The following ZSCAN26 variants were observed in gnomAD, a reference collection of about 807,000 sequenced individuals.
ZSCAN26 encodes zinc finger and SCAN domain-containing protein 26.
Under a neutral mutation model 23.0 loss-of-function variants are expected in ZSCAN26, and 26 were observed. The observed-to-expected ratio is 1.13, with a 90% CI of 0.83 to 1.57. The LOEUF (loss-of-function observed/expected upper bound fraction) is 1.57. ZSCAN26 is among the 40% of genes most tolerant of loss of function. ZSCAN26 has a pLI of 0.00. For synonymous variants in ZSCAN26, 180 were observed against 202.5 expected, an observed-to-expected ratio of 0.89 and a Z score of 0.94; for missense variants, 528 against 568.5, an observed-to-expected ratio of 0.93 and a Z score of 0.72.
chr6:28,271,483 C>G (rs563443066), intron 1 of ZSCAN26, among the ~76,000 whole-genome samples: 1 of 152,160 alleles, frequency 6.6e-6, no homozygotes, highest in African/African-American at 2.4e-5. Context: ...CTCAGCCTCC[C>G]GAGTAGCTTG....
At chr6:28,269,854 A>G (rs959193553) in intron 1 of ZSCAN26, among the ~76,000 whole-genome samples, 2 of 152,202 alleles carry the variant, frequency 1.3e-5, no homozygotes, top group Admixed American at 6.5e-5. Flanking sequence ...ATCCAGAATA[A>G]TGTTTGACCA....
rs764578564 is a variant in ZSCAN26 at position 28,276,513 on chromosome 6, A to G, written c.857A>G (p.His286Arg). Reference protein sequence around the residue: ...VLSREKGHQCHECGKAFQRSS... With the variant: ...VLSREKGHQCRECGKAFQRSS... ...TCTAGAGAGAAAGGTCATCAGTGTCATGAGTGTGGGAAAGCCTTTCAGAGG... is the reference window on the plus strand; with the variant it reads ...TCTAGAGAGAAAGGTCATCAGTGTCGTGAGTGTGGGAAAGCCTTTCAGAGG... The change falls in exon 4 of 4, where the codon CAT becomes CGT. Residue 286 changes from histidine to arginine, a missense_variant. His to Arg is a conservative substitution (Grantham distance 29). Transcript: ENST00000421553. 6.2e-7 allele frequency: 1 copy of G among 1,613,868 alleles called. No homozygotes were observed. Among genetic ancestry groups the G allele is most frequent in the Non-Finnish European group, 8.5e-7 (1 of 1,179,876 alleles).
In ZSCAN26 at chr6:28,272,068, T is replaced by C. The variant is rs761111611; in HGVS notation, c.149T>C (p.Leu50Ser). 2.6e-6 allele frequency: 4 copies of C among 1,561,206 alleles called. No individual in the cohort carries two copies. The highest frequency in any genetic ancestry group is 2.7e-5 in the African/African-American group (2 of 73,372). ...GNSKGLGQEP[L>S]CKQFRQLRYE... is the part of the protein sequence containing the mutation. ...AGTAAAGGCCTTGGACAGGAGCCAT[T>C]GTGCAAACAATTCAGGCAGTTGCGT... Residue 50 changes from leucine (L) to serine (S), a missense_variant, in exon 2 of 4, where the codon TTG (leucine) becomes TCG (serine). Physicochemically the swap from Leu to Ser is moderately radical, Grantham distance 145 (BLOSUM62 -2). Transcript: ENST00000421553.
Position 28,276,474 on chromosome 6 carries a change from A to C in ZSCAN26, c.818A>C (p.His273Pro). The C allele has an allele frequency of 1.2e-6, 2 of 1,614,024 alleles. No individual in the cohort carries two copies. The highest frequency in any genetic ancestry group is 1.7e-6 in the Non-Finnish European group (2 of 1,179,864). ...TGTCAGAGTTCCAGTCTTACAGGAC[A>C]TAAGAAAGTCCTCTCTAGAGAGAAA... ...DVCQSSSLTG[H>P]KKVLSREKGH... The change falls in exon 4 of 4, where the codon CAT becomes CCT. Residue 273 changes from histidine (H) to proline (P), a missense_variant. Transcript: ENST00000421553.
intron 1 of ZSCAN26, among the ~76,000 whole-genome samples, chr6:28,270,627 A>G (rs553472686): frequency 2.1e-4 from 32 of 152,254 alleles, no homozygotes; most frequent in Non-Finnish European, 3.7e-4. Context: ...GCATAAGGAC[A>G]GTAATTGAAG....
chr6:28,269,055 G>A (rs1253632205), intron 1 of ZSCAN26, among the ~76,000 whole-genome samples: 1 of 151,888 alleles, frequency 6.6e-6, no homozygotes, highest in Non-Finnish European at 1.5e-5. Flanking sequence ...GGAGGTTGCA[G>A]TAAGCCAAGA....
In ZSCAN26 at chr6:28,277,375, C is replaced by T; in HGVS notation, c.*279C>T. 2.7e-6 allele frequency: 1 copy of T among 372,594 alleles called. No individual in the cohort carries two copies. 23.1% of individuals were successfully genotyped at this position (372,594 alleles called of 1,614,324 possible). On this transcript the variant is annotated 3_prime_UTR_variant, in exon 4 of 4. Transcript: ENST00000421553. ...TAACTGCATGATTATATACTCTAAG[C>T]AATAGAGAGCTTCATGACTGAGTAA...
At chr6:28,271,828 T>C (rs954608447) in intron 1 of ZSCAN26, 26 bp from the exon 2 acceptor site, 2 of 1,141,298 alleles carry the variant, frequency 1.8e-6, no homozygotes, top group African/African-American at 3.2e-5. Flanking sequence ...TTACTGTTTC[T>C]GTCACTCTTG....
chr6:28,267,737 CT>C (rs1022981363), intron 1 of ZSCAN26, among the ~76,000 whole-genome samples: 1 of 151,942 alleles, frequency 6.6e-6, no homozygotes, highest in Non-Finnish European at 1.5e-5. Flanking sequence ...GGAATTTTGT[CT>C]TTTTTTGGTG....
rs1761924369 is a variant in ZSCAN26, at chr6:28,276,216, A to T, written c.560A>T (p.Asn187Ile). 1 of 1,611,512 alleles carries T rather than the reference A, an allele frequency of 6.2e-7. No homozygotes were observed. Among genetic ancestry groups the T allele is most frequent in the Non-Finnish European group, 8.5e-7 (1 of 1,178,464 alleles). ...GCAGGTGAGGAGACAAGGATTGAGA[A>T]TGGGAAGCTTATTGTAGTAACAGAC... ...KEKGEETRIE[N>I]GKLIVVTDSC... The change falls in exon 4 of 4, where the codon AAT becomes ATT. Residue 187 changes from asparagine (N) to isoleucine (I), a missense_variant. By Grantham distance (149) the Asn-to-Ile change is moderately radical. Transcript: ENST00000421553.
At chr6:28,274,955 T>C (rs1464979539) in intron 3 of ZSCAN26, among the ~76,000 whole-genome samples, 1 of 152,226 alleles carries the variant, frequency 6.6e-6, no homozygotes, top group Non-Finnish European at 1.5e-5. Context: ...TGTGTAGGAC[T>C]GAATACTTCA....
chr6:28,275,413 G>A (rs1761891301), intron 3 of ZSCAN26, among the ~76,000 whole-genome samples: 1 of 152,072 alleles, frequency 6.6e-6, no homozygotes, highest in East Asian at 1.9e-4. Context: ...TAGGACACAG[G>A]CCATTTATTT....
Position 28,271,990 on chromosome 6 carries a change from T to C in ZSCAN26, c.71T>C (p.Val24Ala). Residue 24 changes from valine (V) to alanine (A), a missense_variant, in exon 2 of 4, where the codon GTG becomes GCG. Val to Ala is a moderately conservative substitution (Grantham distance 64). Coordinates refer to ENST00000421553, the MANE Select transcript of ZSCAN26 (RefSeq NM_001023560.4). Reference protein sequence around the residue: ...LNLKKEGLRVVREDHYSTWEQ... With the variant: ...LNLKKEGLRVAREDHYSTWEQ... Reference sequence around the variant, plus strand: ...CTGAAGAAGGAGGGGCTTCGGGTAGTGAGGGAGGATCACTACTCTACTTGG... The same window carrying C: ...CTGAAGAAGGAGGGGCTTCGGGTAGCGAGGGAGGATCACTACTCTACTTGG... 1 of 1,551,630 alleles carries C rather than the reference T, an allele frequency of 6.4e-7. No homozygotes were observed.
rs1300086946 is a variant in ZSCAN26, at chr6:28,276,265, T to G, written c.609T>G (p.Ser203=). 1 of 1,614,000 alleles carries G rather than the reference T, an allele frequency of 6.2e-7. No individual in the cohort carries two copies. Among genetic ancestry groups the G allele is most frequent in the Non-Finnish European group, 8.5e-7 (1 of 1,179,878 alleles). Residue 203 remains serine, a synonymous_variant, in exon 4 of 4, where the codon TCT becomes TCG. Transcript: ENST00000421553. ...ACTCTTGTGGAAGAGTAGAGTCATC[T>G]GGGAAAATATCTGAACCCATGGAGG... ...VTDSCGRVES[S]GKISEPMEAH...
In ZSCAN26 at chr6:28,272,241, C is replaced by T. The variant is rs1761724308; in HGVS notation, c.322C>T (p.Gln108Ter). ...QFLIILPKEL[Q>*]ARVQEHHPES... ...TCTGATCATCCTGCCTAAGGAGCTC[C>T]AGGCCCGGGTGCAGGAGCATCACCC... is the stretch of plus-strand genomic sequence containing the variant. The change falls in exon 2 of 4, where the codon CAG (glutamine) becomes TAG (stop). Residue 108 changes from glutamine to a stop codon, truncating the protein, a stop_gained. Coordinates refer to ENST00000421553, the MANE Select transcript of ZSCAN26 (RefSeq NM_001023560.4). LOFTEE classifies it high-confidence loss of function. 6.2e-7 allele frequency: 1 copy of T among 1,613,160 alleles called. No individual in the cohort carries two copies. The highest frequency in any genetic ancestry group is 8.5e-7 in the Non-Finnish European group (1 of 1,179,630).
intron 3 of ZSCAN26, among the ~76,000 whole-genome samples, chr6:28,274,273 A>T (rs952214842): frequency 1.3e-5 from 2 of 152,172 alleles, no homozygotes; most frequent in African/African-American, 4.8e-5. Flanking sequence ...ATGTAAAATC[A>T]TGCTTTACAT....
chr6:28,272,478 A>C (rs1414411046), intron 2 of ZSCAN26, 139 bp downstream of exon 2: 20 of 1,157,800 alleles, frequency 1.7e-5, no homozygotes, highest in Non-Finnish European at 2.4e-5. Context: ...TAATTTCCTT[A>C]GGTCTTACCT....
At chr6:28,271,233 C>T (rs935264578) in intron 1 of ZSCAN26, among the ~76,000 whole-genome samples, 2 of 152,122 alleles carry the variant, frequency 1.3e-5, no homozygotes, top group Non-Finnish European at 2.9e-5. Flanking sequence ...CCCAGGATTC[C>T]GGCTCCATAT....
At chr6:28,269,779 C>G (rs1377677777) in intron 1 of ZSCAN26, among the ~76,000 whole-genome samples, 1 of 152,190 alleles carries the variant, frequency 6.6e-6, no homozygotes, top group Admixed American at 6.5e-5. Flanking sequence ...GGAGGGCAGT[C>G]TGTTTTAGTC....
Sources: gnomAD v4.1 joint callset for allele counts (sites outside exome capture counted in the v4.1 genomes callset) on GRCh38, gnomAD v4.1.1 for gene constraint, MANE v1.5 for transcripts, NCBI Gene and HGNC (gene_info 2026-07-23, HGNC 2026-07-21) for gene names.